Variants in MTFR1 observed in about 807,000 individuals in gnomAD.
MTFR1 encodes the protein chondrocyte protein with a poly-proline region.
Under a neutral mutation model 38.8 loss-of-function variants are expected in MTFR1, and 28 were observed. That is an observed-to-expected ratio of 0.72 (90% CI 0.53 to 0.99). MTFR1 has a LOEUF of 0.99. Ranked by LOEUF, MTFR1 falls within the 50% of genes least tolerant of loss-of-function variation. The probability of loss-of-function intolerance (pLI) is 0.00; values close to 1 mark genes in which losing one functional copy is unlikely to be tolerated. For synonymous variants in MTFR1, 145 were observed against 137.0 expected, an observed-to-expected ratio of 1.06 and a Z score of -0.41; for missense variants, 358 against 395.5, an observed-to-expected ratio of 0.91 and a Z score of 0.81.
At chr8:65,681,068 G>A (rs562206627) in intron 2 of MTFR1, among the ~76,000 whole-genome samples, 3 of 151,274 alleles carry the variant, frequency 2.0e-5, no homozygotes, top group Admixed American at 6.6e-5. Context: ...GCCCGCCACC[G>A]TGCCCGGCTA....
At chr8:65,659,399 C>CA (rs1809350747) in intron 1 of MTFR1, among the ~76,000 whole-genome samples, 1 of 149,078 alleles carries the variant, frequency 6.7e-6, no homozygotes, top group South Asian at 2.1e-4. Context: ...CAAAAGATCA[C>CA]AATCAAGATC....
At chr8:65,742,310 G>A (rs1807476735) in intron 3 of MTFR1, among the ~76,000 whole-genome samples, 1 of 152,196 alleles carries the variant, frequency 6.6e-6, no homozygotes, top group Admixed American at 6.5e-5. Context: ...AGGCCTGGCA[G>A]CTAGTGTCCT....
At chr8:65,753,882 T>C (rs571260295) in intron 3 of MTFR1, among the ~76,000 whole-genome samples, 1 of 152,314 alleles carries the variant, frequency 6.6e-6, no homozygotes, top group South Asian at 2.1e-4. Flanking sequence ...TTTTATCTCA[T>C]AACCTTTTTT....
At position 65,754,594 on chromosome 8, in the gene MTFR1, C is replaced by T. The variant is rs969981733; in HGVS notation, c.*49-16353C>T. On this transcript the variant is annotated intron_variant, in intron 3 of 3. Coordinates refer to the MTFR1 transcript ENST00000521247. The stretch of plus-strand genomic sequence containing the variant: ...CTTGTGATCCGCCCGCCTCGGCCTC[C>T]CAAAGTGCTGGGATTACAGGCTGAG... 6.6e-5 allele frequency among the ~76,000 whole-genome samples: 10 copies of T among 151,630 alleles called. 1 individual carries two copies. Among genetic ancestry groups the T allele is most frequent in the African/African-American group, 2.4e-4 (10 of 41,430 alleles).
chr8:65,665,036 G>A (rs1244322273), intron 1 of MTFR1, among the ~76,000 whole-genome samples: 1 of 149,362 alleles, frequency 6.7e-6, no homozygotes, highest in East Asian at 2.0e-4. Context: ...CCGGGTTCAA[G>A]CCATTCTCCT....
chr8:65,741,115 T>A (rs1397726980), intron 3 of MTFR1, among the ~76,000 whole-genome samples: 1 of 152,216 alleles, frequency 6.6e-6, no homozygotes, highest in Non-Finnish European at 1.5e-5. Context: ...TACCTCCTAT[T>A]ATACTTCTCA....
intron 1 of MTFR1, among the ~76,000 whole-genome samples, chr8:65,658,442 G>T (rs1403531564): frequency 2.0e-5 from 3 of 152,138 alleles, no homozygotes; most frequent in African/African-American, 7.2e-5. Flanking sequence ...GTTGGTAGAA[G>T]AAAAAGAAAG....
chr8:65,715,984 A>G, intron 2 of MTFR1, among the ~76,000 whole-genome samples: 1 of 121,788 alleles, frequency 8.2e-6, no homozygotes, highest in African/African-American at 3.0e-5. Context: ...GCGACAGAGC[A>G]AGGCTCTGTC....
intron 4 of MTFR1, among the ~76,000 whole-genome samples, chr8:65,703,419 GTTTTTTTTTTTTTTTTTTT>G (rs553260839): frequency 5.9e-5 from 3 of 50,954 alleles, no homozygotes; most frequent in African/African-American, 1.6e-4. Context: ...GATGTCTCTG[GTTTTTTTTTTTTTTTTTTT>G]TTTTTTTTTT....
At chr8:65,761,014 C>T (rs1283170036) in intron 3 of MTFR1, among the ~76,000 whole-genome samples, 4 of 152,062 alleles carry the variant, frequency 2.6e-5, no homozygotes, top group East Asian at 1.9e-4. Flanking sequence ...AAAAGCTCAC[C>T]CTCTGGCTGT....
intron 4 of MTFR1, among the ~76,000 whole-genome samples, chr8:65,693,972 G>C (rs142815411): frequency 6.6e-6 from 1 of 151,512 alleles, no homozygotes; most frequent in East Asian, 1.9e-4. Context: ...GTGTGATCTT[G>C]CTTCACTGCA....
intron 2 of MTFR1, among the ~76,000 whole-genome samples, chr8:65,678,953 A>T (rs371914763): frequency 6.6e-6 from 1 of 152,156 alleles, no homozygotes. Flanking sequence ...TATTTTTCTG[A>T]TATTAAACAG....
chr8:65,666,943 T>C (rs1327042195), intron 1 of MTFR1, among the ~76,000 whole-genome samples: 2 of 152,136 alleles, frequency 1.3e-5, no homozygotes, highest in Non-Finnish European at 2.9e-5. Context: ...TCTGATAGAA[T>C]TATACTTATA....
chr8:65,656,050 G>A (rs1216520436), intron 1 of MTFR1, among the ~76,000 whole-genome samples: 2 of 143,114 alleles, frequency 1.4e-5, no homozygotes, highest in Non-Finnish European at 3.0e-5. Context: ...AAAAATTATA[G>A]CCAGGCATGG....
At chr8:65,736,042 CTA>C (rs1361379005) in intron 3 of MTFR1, among the ~76,000 whole-genome samples, 1 of 152,180 alleles carries the variant, frequency 6.6e-6, no homozygotes, top group Admixed American at 6.5e-5. Context: ...CCTATTTATA[CTA>C]TGTTTTTCCT....
chr8:65,727,206 A>G (rs780137863), intron 3 of MTFR1: 3 of 1,612,620 alleles, frequency 1.9e-6, no homozygotes, highest in Non-Finnish European at 1.7e-6. Flanking sequence ...TAGTTTTAAT[A>G]AGGAAAGGTT....
chr8:65,750,758 A>G (rs985258833), intron 3 of MTFR1, among the ~76,000 whole-genome samples: 1 of 152,126 alleles, frequency 6.6e-6, no homozygotes, highest in Non-Finnish European at 1.5e-5. Context: ...TTTCTGGGCA[A>G]CTTCTGACAA....
rs1044283251 is a variant in MTFR1 at position 65,682,675 on chromosome 8, A to G, written c.165+224A>G. 4.2e-6 allele frequency: 3 copies of G among 718,882 alleles called. No individual in the cohort carries two copies. The African/African-American group carries it at 5.8e-5, about 14-fold the overall frequency. 44.5% of individuals were successfully genotyped at this position (718,882 alleles called of 1,614,324 possible). A position where few individuals can be genotyped will look rare whatever the true frequency, so the allele number is the denominator to read the frequency against. On this transcript the variant is annotated intron_variant, in intron 3 of 7. Transcript: ENST00000262146. ...ATATTTATCCTTCTTAAGGATGCATATGTGAAGATTTAGGAGCATATAATA... is the reference window on the plus strand; with the variant it reads ...ATATTTATCCTTCTTAAGGATGCATGTGTGAAGATTTAGGAGCATATAATA...
At chr8:65,699,541 G>A (rs1230796543) in intron 4 of MTFR1, among the ~76,000 whole-genome samples, 2 of 152,166 alleles carry the variant, frequency 1.3e-5, no homozygotes, top group Non-Finnish European at 2.9e-5. Context: ...AAGCAATTAT[G>A]TCCTTTGTCT....
Sources: allele counts gnomAD v4.1 joint callset (sites outside exome capture counted in the v4.1 genomes callset), GRCh38; gene constraint gnomAD v4.1.1; transcripts MANE v1.5; gene names NCBI Gene and HGNC (gene_info 2026-07-23, HGNC 2026-07-21).